Variants in GOLGA4 observed in about 807,000 individuals in gnomAD.
GOLGA4 encodes the protein golgin subfamily A member 4.
GOLGA4 carries 169 observed loss-of-function variants against 265.9 expected under a neutral mutation model. The observed-to-expected ratio is 0.64, with a 90% CI of 0.56 to 0.72. The LOEUF (loss-of-function observed/expected upper bound fraction) is 0.72, where lower values mean the gene tolerates loss of function less well. Among genes scored for constraint, GOLGA4 ranks in the 30% least tolerant of loss-of-function variants. The probability of loss-of-function intolerance (pLI) is 0.00; values close to 1 mark genes in which losing one functional copy is unlikely to be tolerated. For missense variants in GOLGA4, 2,482 were observed against 2,483.4 expected (o/e 1.00, Z 0.01); for synonymous variants, 923 against 855.8 (o/e 1.08, Z -1.37).
Position 37,243,482 on chromosome 3 carries a change from C to A in GOLGA4, c.-69C>A, listed in dbSNP as rs908801957. On this transcript the variant is annotated 5_prime_UTR_variant, in exon 1 of 24. Transcript: ENST00000361924. ...TGTAAAGAAGTCGCCGTAGCCGTCG[C>A]GGCCGGGACTCCCCGGGCTCTCGCC... 2.2e-6 allele frequency: 3 copies of A among 1,382,746 alleles called. No individual in the cohort carries two copies. In the African/African-American group the frequency reaches 4.3e-5, roughly 20 times the overall value. 85.7% of individuals were successfully genotyped at this position (1,382,746 alleles called of 1,614,324 possible). A position where few individuals can be genotyped will look rare whatever the true frequency, so the allele number is the denominator to read the frequency against.
chr3:37,324,180 T>G lies in GOLGA4; in HGVS notation c.2294T>G (p.Leu765Trp), dbSNP rs2096963115. The G allele has an allele frequency of 1.2e-6, 2 of 1,613,922 alleles. No homozygotes were observed. Among genetic ancestry groups the G allele is most frequent in the Non-Finnish European group, 1.7e-6 (2 of 1,179,996 alleles). ...CAAATTAATCAACTTGAGCTTCTCT[T>G]GAAGGAAAGGGACAAGCATTTGAAA... ...KDQINQLELL[L>W]KERDKHLKEH... Residue 765 changes from leucine (L) to tryptophan (W), a missense_variant, in exon 14 of 24, where the codon TTG becomes TGG. Leu to Trp is a moderately conservative substitution (Grantham distance 61). Coordinates refer to ENST00000361924, the MANE Select transcript of GOLGA4 (RefSeq NM_002078.5).
chr3:37,248,684 G>T lies in GOLGA4; in HGVS notation c.73-2711G>T, dbSNP rs190793951. On this transcript the variant is annotated intron_variant, in intron 1 of 23. Transcript: ENST00000361924. ...AGATAGTACTACTTTTCTAGGGAGA[G>T]TATGTTTTAGAATCTGTTAAACTTT... 3.9e-5 allele frequency among the ~76,000 whole-genome samples: 6 copies of T among 152,288 alleles called. No individual in the cohort carries two copies. The East Asian group carries it at 1.2e-3, about 29-fold the overall frequency.
intron 11 of GOLGA4, among the ~76,000 whole-genome samples, chr3:37,316,674 T>C (rs540525015): frequency 6.6e-6 from 1 of 152,298 alleles, no homozygotes; most frequent in East Asian, 1.9e-4. Flanking sequence ...TATAGACATA[T>C]GGTATAAAAA....
intron 2 of GOLGA4, among the ~76,000 whole-genome samples, chr3:37,260,993 C>T (rs1299034118): frequency 2.2e-5 from 3 of 134,856 alleles, no homozygotes; most frequent in Admixed American, 7.4e-5. Flanking sequence ...ATAGTGAGAC[C>T]CTGTCTCTAC....
chr3:37,282,083 A>C lies in GOLGA4; in HGVS notation c.288A>C (p.Thr96=). 6.2e-7 allele frequency: 1 copy of C among 1,614,138 alleles called. No individual in the cohort carries two copies. Among genetic ancestry groups the C allele is most frequent in the Non-Finnish European group, 8.5e-7 (1 of 1,179,982 alleles). Residue 96 remains threonine, a synonymous_variant, in exon 3 of 24, where the codon ACA becomes ACC. Coordinates refer to ENST00000361924, the MANE Select transcript of GOLGA4 (RefSeq NM_002078.5). ...RSSSKESLVR[T]SSRESLNRLD... Reference sequence around the variant, plus strand: ...CTTCTAAAGAGTCTTTGGTACGAACATCTTCCAGAGAATCCCTGAATCGAC... The same window carrying C: ...CTTCTAAAGAGTCTTTGGTACGAACCTCTTCCAGAGAATCCCTGAATCGAC...
At chr3:37,261,279 A>T (rs1367841162) in intron 2 of GOLGA4, among the ~76,000 whole-genome samples, 1 of 152,196 alleles carries the variant, frequency 6.6e-6, no homozygotes, top group Non-Finnish European at 1.5e-5. Context: ...ACTTTCGGTC[A>T]AATCATGCTG....
In GOLGA4 at chr3:37,295,142, G is replaced by A. The variant is rs1224787405; in HGVS notation, c.681+65G>A. On this transcript the variant is annotated intron_variant, in intron 6 of 23. Transcript: ENST00000361924. Reference sequence around the variant, plus strand: ...AAGAAAAATAGAGGGGGTTTGATTTGGATATCTGCAAGGTTGCAAAAGTTT... The same window carrying A: ...AAGAAAAATAGAGGGGGTTTGATTTAGATATCTGCAAGGTTGCAAAAGTTT... 3 of 904,162 alleles carry A rather than the reference G, an allele frequency of 3.3e-6. No homozygotes were observed. The African/African-American group carries it at 5.2e-5, about 16-fold the overall frequency. The allele number at this position is 904,162 out of a possible 1,614,324, so 56.0% of individuals were successfully genotyped here.
At chr3:37,333,402 A>G (rs1466996041) in intron 16 of GOLGA4, among the ~76,000 whole-genome samples, 1 of 152,200 alleles carries the variant, frequency 6.6e-6, no homozygotes, top group Admixed American at 6.5e-5. Context: ...ATCTTAAAAT[A>G]AGACTAGAAG....
chr3:37,249,606 CT>C (rs372636204), intron 1 of GOLGA4: 4 of 152,092 alleles, frequency 2.6e-5, no homozygotes, highest in Non-Finnish European at 5.9e-5. Flanking sequence ...CCTGTTTTGT[CT>C]TTGGTGGGAG....
chr3:37,327,560 G>A lies in GOLGA4; in HGVS notation c.5674G>A (p.Gly1892Arg), dbSNP rs761093590. ...EKLQALQQMD[G>R]RNKPTELLEE... ...ATTACAGGCTTTACAACAGATGGAT[G>A]GAAGAAATAAACCCACAGAACTTTT... The change falls in exon 14 of 24, where the codon GGA becomes AGA. Residue 1892 changes from glycine to arginine, a missense_variant. This residue lies in a region of GOLGA4 where 942 missense variants were observed against 983.1 expected (regional missense o/e 0.96). Coordinates refer to ENST00000361924, the MANE Select transcript of GOLGA4 (RefSeq NM_002078.5). 6.2e-7 allele frequency: 1 copy of A among 1,613,762 alleles called. No individual in the cohort carries two copies.
In GOLGA4 at chr3:37,243,542, C is replaced by T. The variant is rs747885622; in HGVS notation, c.-9C>T. The T allele has an allele frequency of 7.4e-6, 12 of 1,613,530 alleles. No homozygotes were observed. Among genetic ancestry groups the T allele is most frequent in the African/African-American group, 4.0e-5 (3 of 74,924 alleles). Reference sequence around the variant, plus strand: ...TCGTTGACACTCAGGACCGTACGTACGCTGCGCCATGTTCAAGAAACTGAA... The same window carrying T: ...TCGTTGACACTCAGGACCGTACGTATGCTGCGCCATGTTCAAGAAACTGAA... On this transcript the variant is annotated 5_prime_UTR_variant, in exon 1 of 24. In the 5' UTR this introduces an upstream ATG that the reference lacks. Transcript: ENST00000361924.
intron 4 of GOLGA4, among the ~76,000 whole-genome samples, chr3:37,286,469 T>C (rs2096849808): frequency 6.6e-6 from 1 of 152,232 alleles, no homozygotes; most frequent in African/African-American, 2.4e-5. Context: ...AAGATATTTC[T>C]AAGCCTTCCT....
At chr3:37,332,904 CAT>C (rs2096995680) in intron 16 of GOLGA4, among the ~76,000 whole-genome samples, 1 of 151,790 alleles carries the variant, frequency 6.6e-6, no homozygotes, top group East Asian at 1.9e-4. Flanking sequence ...CCTTGTTACT[CAT>C]ATATATTTGT....
intron 10 of GOLGA4, chr3:37,313,630 A>G (rs1041969248): frequency 5.3e-5 from 8 of 152,176 alleles, no homozygotes. Flanking sequence ...CTAGGATGAC[A>G]GTAGCAGTAG....
intron 5 of GOLGA4, among the ~76,000 whole-genome samples, 196 bp from the exon 6 acceptor site, chr3:37,294,783 C>A (rs899578976): frequency 1.1e-4 from 16 of 152,114 alleles, no homozygotes; most frequent in Non-Finnish European, 2.1e-4. Context: ...TCTTCATATT[C>A]TTTAAGGAAC....
chr3:37,264,858 G>C (rs2096779390), intron 2 of GOLGA4, among the ~76,000 whole-genome samples: 1 of 152,110 alleles, frequency 6.6e-6, no homozygotes, highest in Admixed American at 6.6e-5. Flanking sequence ...ACCATGCCTG[G>C]CAAATTTTTT....
At chr3:37,365,940 T>C (rs1696719748) in intron 23 of GOLGA4, 140 bp from the exon 24 acceptor site, 1 of 590,584 alleles carries the variant, frequency 1.7e-6, no homozygotes, top group South Asian at 3.0e-5. Context: ...GCCTTATTTC[T>C]GCCTCTTTAC....
intron 2 of GOLGA4, among the ~76,000 whole-genome samples, chr3:37,278,751 A>T (rs540353806): frequency 8.6e-5 from 13 of 151,542 alleles, no homozygotes; most frequent in African/African-American, 3.1e-4. Flanking sequence ...TATATGAAAC[A>T]TTTTACATAT....
chr3:37,325,245 C>T lies in GOLGA4; in HGVS notation c.3359C>T (p.Ala1120Val). 1 of 1,612,468 alleles carries T rather than the reference C, an allele frequency of 6.2e-7. No individual in the cohort carries two copies. The highest frequency in any genetic ancestry group is 8.5e-7 in the Non-Finnish European group (1 of 1,178,914). ...ELQEQLKQKS[A>V]HVNSLAQDET... is the part of the protein sequence containing the mutation. ...CAGGAACAGTTAAAGCAGAAGTCTG[C>T]CCATGTGAATTCTCTTGCACAAGAT... is the stretch of plus-strand genomic sequence containing the variant. Residue 1120 changes from alanine (A) to valine (V), a missense_variant, in exon 14 of 24, where the codon GCC becomes GTC. This residue lies in a region of GOLGA4 where 1,536 missense variants were observed against 1,483.7 expected (regional missense o/e 1.04). Transcript: ENST00000361924.
Sources: gnomAD v4.1 joint callset for allele counts (sites outside exome capture counted in the v4.1 genomes callset) on GRCh38, gnomAD v4.1.1 for gene constraint, gnomAD v4.1.1 regional missense constraint, MANE v1.5 for transcripts, NCBI Gene and HGNC (gene_info 2026-07-23, HGNC 2026-07-21) for gene names.